The following SHB variants were observed in gnomAD, a reference collection of about 807,000 sequenced individuals.
The protein encoded by SHB is SH2 domain-containing adapter protein B.
In SHB, 20 loss-of-function variants were observed where a neutral mutation model predicts 52.3. The ratio of observed to expected loss-of-function variants is 0.38; its 90% CI spans 0.27 to 0.56. SHB has a LOEUF of 0.56. Among genes scored for constraint, SHB ranks in the 20% least tolerant of loss-of-function variants. The pLI is 0.71. For synonymous variants in SHB, 397 were observed against 316.5 expected (o/e 1.25, Z -2.70); for missense variants, 825 against 723.3 (o/e 1.14, Z -1.61).
Position 37,919,767 on chromosome 9 carries a change from T to C in SHB, c.*54A>G, listed in dbSNP as rs1587189088. The C allele has an allele frequency of 6.7e-7, 1 of 1,494,016 alleles. No homozygotes were observed. The highest frequency in any genetic ancestry group is 1.4e-5 in the African/African-American group (1 of 72,366). 92.5% of individuals were successfully genotyped at this position (1,494,016 alleles called of 1,614,324 possible). ...TGGCTGGGCTGGTTGGTGGGGGGCC[T>C]CTGGCACCTCCAAGTCTCAGGCTCT... On this transcript the variant is annotated 3_prime_UTR_variant, in exon 6 of 6. Transcript: ENST00000377707.
Position 37,935,386 on chromosome 9 carries a change from T to C in SHB, c.1346+13249A>G, listed in dbSNP as rs552788385. Reference sequence around the variant, plus strand: ...TCGGCCTCGGTGGGGCATACGCCTTTAGTGCCAGGAGGAAATGACGGGCAC... The same window carrying C: ...TCGGCCTCGGTGGGGCATACGCCTTCAGTGCCAGGAGGAAATGACGGGCAC... On this transcript the variant is annotated intron_variant, in intron 5 of 5. Coordinates refer to ENST00000377707, the MANE Select transcript of SHB (RefSeq NM_003028.3). Among the ~76,000 whole-genome samples the C allele has an allele frequency of 5.3e-5, 8 of 152,334 alleles. No individual in the cohort carries two copies. In the East Asian group the frequency reaches 1.2e-3, roughly 22 times the overall value.
chr9:37,980,563 C>T (rs1048015953), intron 2 of SHB, among the ~76,000 whole-genome samples: 1 of 152,222 alleles, frequency 6.6e-6, no homozygotes, highest in Non-Finnish European at 1.5e-5. Flanking sequence ...TTCTTCCAAA[C>T]TCCTGTTAAT....
intron 5 of SHB, among the ~76,000 whole-genome samples, chr9:37,942,245 G>A (rs941631840): frequency 2.6e-5 from 4 of 152,156 alleles, no homozygotes; most frequent in South Asian, 2.1e-4. Flanking sequence ...GCTCTAAGCC[G>A]GATACAAATA....
At chr9:37,935,374 G>C (rs1270076976) in intron 5 of SHB, among the ~76,000 whole-genome samples, 2 of 152,090 alleles carry the variant, frequency 1.3e-5, no homozygotes, top group African/African-American at 4.8e-5. Flanking sequence ...GCCTCGGTGG[G>C]GCATACGCCT....
chr9:38,057,061 T>C (rs1272329101), intron 1 of SHB, among the ~76,000 whole-genome samples: 2 of 152,206 alleles, frequency 1.3e-5, no homozygotes, highest in Non-Finnish European at 2.9e-5. Flanking sequence ...TACTGTCTTA[T>C]CCAACAATTC....
intron 3 of SHB, among the ~76,000 whole-genome samples, chr9:37,958,834 A>G (rs1027608149): frequency 6.6e-6 from 1 of 152,122 alleles, no homozygotes; most frequent in African/African-American, 2.4e-5. Flanking sequence ...ATGGCAACCA[A>G]TCATGGGACA....
chr9:37,981,698 G>C (rs1820726517), intron 2 of SHB, among the ~76,000 whole-genome samples: 1 of 152,194 alleles, frequency 6.6e-6, no homozygotes, highest in Non-Finnish European at 1.5e-5. Flanking sequence ...TTTAAAGTGA[G>C]AGATGTGTGA....
Position 38,002,215 on chromosome 9 carries a change from T to C in SHB, c.838+13796A>G, listed in dbSNP as rs117650382. 2.3e-3 allele frequency among the ~76,000 whole-genome samples: 351 copies of C among 152,294 alleles called. 3 individuals are homozygous for C. The highest frequency in any genetic ancestry group is 4.1e-3 in the Non-Finnish European group (278 of 68,030). On this transcript the variant is annotated intron_variant, in intron 2 of 5. Transcript: ENST00000377707. ...TAGTCAGCAAAAGGAGAAATAAATA[T>C]AAATGGTGATAGCAATAACCCCACA...
chr9:37,920,280 C>A lies in SHB; in HGVS notation c.1347-276G>T, dbSNP rs200853445. On this transcript the variant is annotated intron_variant, in intron 5 of 5. Transcript: ENST00000377707. ...GCTTCTAGGGACTTCTTCAGAAAAA[C>A]AAAACAAAACAAAACAAAACAAAAC... Among the ~76,000 whole-genome samples the A allele has an allele frequency of 7.3e-3, 137 of 18,822 alleles. No homozygotes were observed. Among genetic ancestry groups the A allele is most frequent in the Middle Eastern group, 0.031 (1 of 32 alleles). The allele number at this position is 18,822 out of a possible 152,430, so 12.3% of individuals were successfully genotyped here. A position where few individuals can be genotyped will look rare whatever the true frequency, so the allele number is the denominator to read the frequency against.
intron 4 of SHB, among the ~76,000 whole-genome samples, chr9:37,954,483 A>G: frequency 6.9e-6 from 1 of 145,836 alleles, no homozygotes; most frequent in African/African-American, 2.6e-5. Context: ...TAAGTGGAGG[A>G]GAGGGGAGGG....
intron 4 of SHB, among the ~76,000 whole-genome samples, chr9:37,949,170 T>C (rs1832530807): frequency 6.6e-6 from 1 of 151,772 alleles, no homozygotes; most frequent in African/African-American, 2.4e-5. Context: ...CCAAGGCAGT[T>C]GGATCACCTG....
intron 1 of SHB, among the ~76,000 whole-genome samples, chr9:38,026,234 C>A (rs1821340900): frequency 6.6e-6 from 1 of 152,232 alleles, no homozygotes. Flanking sequence ...CCTCTGTGCC[C>A]CAGCCAAGGC....
At chr9:37,952,807 G>A (rs1003925943) in intron 4 of SHB, among the ~76,000 whole-genome samples, 2 of 152,088 alleles carry the variant, frequency 1.3e-5, no homozygotes, top group Non-Finnish European at 2.9e-5. Flanking sequence ...GGAAGCTGGG[G>A]GAGGGGCAAG....
At chr9:38,028,620 C>T (rs375460651) in intron 1 of SHB, among the ~76,000 whole-genome samples, 4 of 152,204 alleles carry the variant, frequency 2.6e-5, no homozygotes, top group East Asian at 1.9e-4. Flanking sequence ...ACCTCTAACC[C>T]GGCAAGGCCA....
chr9:37,961,908 C>T (rs753158811), intron 3 of SHB, among the ~76,000 whole-genome samples: 35 of 152,290 alleles, frequency 2.3e-4, no homozygotes, highest in Admixed American at 3.3e-4. Flanking sequence ...TCAGTCTCCT[C>T]GGAGTCTCCC....
intron 4 of SHB, among the ~76,000 whole-genome samples, chr9:37,951,935 G>C (rs1564086577): frequency 1.3e-5 from 2 of 152,226 alleles, no homozygotes; most frequent in Non-Finnish European, 2.9e-5. Context: ...GGCCCACGTA[G>C]GCCTTGCTTC....
rs145829631 is a variant in SHB at position 37,925,827 on chromosome 9, G to A, written c.1347-5823C>T. 2.1e-3 allele frequency among the ~76,000 whole-genome samples: 313 copies of A among 152,308 alleles called. 3 individuals carry two copies. Among genetic ancestry groups the A allele is most frequent in the South Asian group, 0.013 (65 of 4,830 alleles). On this transcript the variant is annotated intron_variant, in intron 5 of 5. Coordinates refer to ENST00000377707, the MANE Select transcript of SHB (RefSeq NM_003028.3). Reference sequence around the variant, plus strand: ...GATTCCTGGGCCAGGTTGTTGGAAGGAGAGACAGAATGAGCTTGTGCATTT... The same window carrying A: ...GATTCCTGGGCCAGGTTGTTGGAAGAAGAGACAGAATGAGCTTGTGCATTT...
chr9:38,065,532 T>C (rs1363485696), intron 1 of SHB, among the ~76,000 whole-genome samples: 1 of 152,092 alleles, frequency 6.6e-6, no homozygotes, highest in African/African-American at 2.4e-5. Flanking sequence ...GCCCCAGCAA[T>C]CTGTTGTAAC....
At chr9:37,997,310 C>T (rs189372045) in intron 2 of SHB, among the ~76,000 whole-genome samples, 4 of 152,274 alleles carry the variant, frequency 2.6e-5, no homozygotes, top group East Asian at 3.9e-4. Flanking sequence ...TCAGCACCTA[C>T]GAAACCACTG....
Sources: allele counts gnomAD v4.1 joint callset (sites outside exome capture counted in the v4.1 genomes callset), GRCh38; gene constraint gnomAD v4.1.1; transcripts MANE v1.5; gene names NCBI Gene and HGNC (gene_info 2026-07-23, HGNC 2026-07-21).